Variants in SLC2A9 observed in about 807,000 individuals in gnomAD.
SLC2A9 encodes solute carrier family 2, facilitated glucose transporter member 9.
In SLC2A9, 39 loss-of-function variants were observed where a neutral mutation model predicts 50.6. That is an observed-to-expected ratio of 0.77 (90% CI 0.60 to 1.01). The LOEUF is 1.01. SLC2A9 is among the 50% of genes least tolerant of loss of function. The probability of loss-of-function intolerance (pLI) is 0.00; values close to 1 mark genes in which losing one functional copy is unlikely to be tolerated. For missense variants in SLC2A9, 686 were observed against 677.6 expected, an observed-to-expected ratio of 1.01 and a Z score of -0.14; for synonymous variants, 324 against 276.9, an observed-to-expected ratio of 1.17 and a Z score of -1.69.
chr4:9,816,473 G>T (rs1398743990), intron 3 of SLC2A9, among the ~76,000 whole-genome samples: 1 of 152,154 alleles, frequency 6.6e-6, no homozygotes, highest in South Asian at 2.1e-4. Flanking sequence ...ACAGCATGGT[G>T]ACTACAGTTT....
At chr4:9,972,591 A>G (rs1231679454) in intron 5 of SLC2A9, among the ~76,000 whole-genome samples, 2 of 152,172 alleles carry the variant, frequency 1.3e-5, no homozygotes, top group Non-Finnish European at 2.9e-5. Context: ...ACTCATACCA[A>G]CCATACTCTC....
downstream of SLC2A9, among the ~76,000 whole-genome samples, chr4:9,776,419 C>T (rs1560268838): frequency 6.6e-6 from 1 of 151,926 alleles, no homozygotes; most frequent in Non-Finnish European, 1.5e-5. Context: ...AAATATTTTC[C>T]TGCCACTGCC....
At chr4:10,016,908 C>T (rs1762704381) in intron 2 of SLC2A9, among the ~76,000 whole-genome samples, 1 of 152,066 alleles carries the variant, frequency 6.6e-6, no homozygotes, top group Non-Finnish European at 1.5e-5. Flanking sequence ...TCTTTTGACT[C>T]CATCCTGCTT....
chr4:9,806,946 C>T (rs1271582133), intron 3 of SLC2A9, among the ~76,000 whole-genome samples: 1 of 152,192 alleles, frequency 6.6e-6, no homozygotes, highest in Non-Finnish European at 1.5e-5. Context: ...AGATACCAAA[C>T]TCATCGATTT....
At chr4:9,953,135 T>A (rs1291642527) in intron 5 of SLC2A9, among the ~76,000 whole-genome samples, 2 of 152,228 alleles carry the variant, frequency 1.3e-5, no homozygotes, top group Non-Finnish European at 2.9e-5. Flanking sequence ...GAGGTTCGGA[T>A]CGCATCTTGG....
intron 2 of SLC2A9, among the ~76,000 whole-genome samples, chr4:10,007,045 C>T (rs1326966716): frequency 1.3e-5 from 2 of 152,208 alleles, no homozygotes; most frequent in Non-Finnish European, 2.9e-5. Flanking sequence ...TTCCTCTGGA[C>T]TTCACCCCTG....
At chr4:9,915,110 G>T (rs1237637339) in intron 7 of SLC2A9, among the ~76,000 whole-genome samples, 1 of 152,170 alleles carries the variant, frequency 6.6e-6, no homozygotes, top group Non-Finnish European at 1.5e-5. Context: ...GTCTCACCCA[G>T]GACTACACAG....
chr4:9,933,733 T>C (rs1413736342), intron 6 of SLC2A9, among the ~76,000 whole-genome samples: 4 of 152,184 alleles, frequency 2.6e-5, no homozygotes, highest in Non-Finnish European at 5.9e-5. Context: ...CTGAAGCAGG[T>C]GTCACTGGAT....
At chr4:9,903,664 A>C (rs1476167687) in intron 8 of SLC2A9, among the ~76,000 whole-genome samples, 3 of 152,072 alleles carry the variant, frequency 2.0e-5, no homozygotes, top group Non-Finnish European at 2.9e-5. Context: ...AAAATCTCAT[A>C]AGAGGAATGA....
chr4:9,994,391 A>C (rs1758244636), intron 3 of SLC2A9, among the ~76,000 whole-genome samples: 1 of 152,138 alleles, frequency 6.6e-6, no homozygotes, highest in Non-Finnish European at 1.5e-5. Flanking sequence ...CTTCAGCCCA[A>C]ATCAACTTTT....
chr4:9,972,333 T>C (rs1316383952), intron 5 of SLC2A9, among the ~76,000 whole-genome samples: 1 of 152,198 alleles, frequency 6.6e-6, no homozygotes, highest in Non-Finnish European at 1.5e-5. Flanking sequence ...TCTAAGTCTA[T>C]TTCTTCTTTA....
intron 5 of SLC2A9, among the ~76,000 whole-genome samples, chr4:9,972,186 G>C (rs1233329180): frequency 6.6e-6 from 1 of 152,020 alleles, no homozygotes; most frequent in African/African-American, 2.4e-5. Context: ...TTCTTTCCTT[G>C]AGAGGAAAGA....
chr4:9,868,437 T>C (rs1020355843), intron 10 of SLC2A9, among the ~76,000 whole-genome samples: 2 of 152,252 alleles, frequency 1.3e-5, no homozygotes, highest in African/African-American at 4.8e-5. Flanking sequence ...AGCCCTTGAC[T>C]TTAAAGCATC....
In SLC2A9 at chr4:9,980,373, G is replaced by A. The variant is rs13145758; in HGVS notation, c.681+219C>T. Reference sequence around the variant, plus strand: ...ATTAATGATAATTACTGGGTGGGTGGACTTAAACATTCTATAAGGTTTCAA... The same window carrying A: ...ATTAATGATAATTACTGGGTGGGTGAACTTAAACATTCTATAAGGTTTCAA... On this transcript the variant is annotated intron_variant, in intron 5 of 11. Coordinates refer to ENST00000264784, the MANE Select transcript of SLC2A9 (RefSeq NM_020041.3). 0.72 allele frequency among the ~76,000 whole-genome samples: 109,280 copies of A among 152,076 alleles called. 40,346 individuals carry two copies. The highest frequency in any genetic ancestry group is 0.98 in the East Asian group (5,097 of 5,194).
intron 6 of SLC2A9, among the ~76,000 whole-genome samples, chr4:9,934,249 T>C (rs539382660): frequency 6.6e-6 from 1 of 152,274 alleles, no homozygotes; most frequent in African/African-American, 2.4e-5. Context: ...TTCACAGCTT[T>C]GTCTGCCCAC....
chr4:9,842,928 G>T (rs1728319600), intron 10 of SLC2A9, among the ~76,000 whole-genome samples: 1 of 152,088 alleles, frequency 6.6e-6, no homozygotes, highest in African/African-American at 2.4e-5. Flanking sequence ...AGGTGAAAGA[G>T]GTGGATAAGG....
chr4:10,038,929 G>A (rs1384496008), intron 1 of SLC2A9, among the ~76,000 whole-genome samples: 1 of 152,188 alleles, frequency 6.6e-6, no homozygotes, highest in Non-Finnish European at 1.5e-5. Context: ...TGGCTAAATA[G>A]TCTCATCTAA....
chr4:9,867,580 G>A (rs1273839678), intron 10 of SLC2A9, among the ~76,000 whole-genome samples: 2 of 152,340 alleles, frequency 1.3e-5, no homozygotes, highest in Admixed American at 6.5e-5. Context: ...GAAGATTTCT[G>A]TAGAGATAGA....
chr4:9,802,713 T>C (rs922559783), intron 3 of SLC2A9, among the ~76,000 whole-genome samples: 5 of 152,058 alleles, frequency 3.3e-5, no homozygotes, highest in African/African-American at 7.2e-5. Flanking sequence ...TGCCCACCAC[T>C]ACGCCTGGCC....
Sources: gnomAD v4.1 joint callset for allele counts (sites outside exome capture counted in the v4.1 genomes callset) on GRCh38, gnomAD v4.1.1 for gene constraint, MANE v1.5 for transcripts, NCBI Gene and HGNC (gene_info 2026-07-23, HGNC 2026-07-21) for gene names.